The following GYPC variants were observed in gnomAD, a reference collection of about 807,000 sequenced individuals.
GYPC encodes glycophorin C (Gerbich blood group).
In GYPC, 14 loss-of-function variants were observed where a neutral mutation model predicts 12.6. That is an observed-to-expected ratio of 1.11 (90% CI 0.74 to 1.74). GYPC has a LOEUF of 1.74. Ranked by LOEUF, GYPC falls within the 40% of genes most tolerant of loss-of-function variation. The pLI, the probability that GYPC is intolerant of heterozygous loss-of-function variation, is 0.00. For synonymous variants in GYPC, 78 were observed against 62.1 expected, an observed-to-expected ratio of 1.26 and a Z score of -1.20; for missense variants, 225 against 172.1, an observed-to-expected ratio of 1.31 and a Z score of -1.72.
chr2:126,695,319 A>C (rs1219168497), intron 3 of GYPC, among the ~76,000 whole-genome samples: 2 of 152,140 alleles, frequency 1.3e-5, no homozygotes, highest in African/African-American at 4.8e-5. Context: ...CAGAGTGCTT[A>C]GAGTGGTTAG....
chr2:126,689,197 A>G (rs1330106658), intron 1 of GYPC, among the ~76,000 whole-genome samples: 2 of 152,002 alleles, frequency 1.3e-5, no homozygotes, highest in African/African-American at 4.8e-5. Context: ...GACTCCTCAG[A>G]CAGGAGCCCT....
In GYPC at chr2:126,690,325, A is replaced by G; in HGVS notation, c.106+14A>G. Reference sequence around the variant, plus strand: ...CCACCATTGCAGGTGAGTTCTCATCACAGAGCCTCACCATAATGGAAACTG... The same window carrying G: ...CCACCATTGCAGGTGAGTTCTCATCGCAGAGCCTCACCATAATGGAAACTG... On this transcript the variant is annotated intron_variant, in intron 2 of 3. Coordinates refer to ENST00000259254, the MANE Select transcript of GYPC (RefSeq NM_002101.5). 1.3e-6 allele frequency: 2 copies of G among 1,587,534 alleles called. No homozygotes were observed. The highest frequency in any genetic ancestry group is 1.7e-6 in the Non-Finnish European group (2 of 1,155,742).
chr2:126,662,002 C>T (rs1682547683), intron 1 of GYPC, among the ~76,000 whole-genome samples: 2 of 152,218 alleles, frequency 1.3e-5, no homozygotes, highest in Non-Finnish European at 2.9e-5. Flanking sequence ...GAGCCACTGC[C>T]AGGGCGCCTC....
At chr2:126,663,639 T>G (rs28387104) in intron 1 of GYPC, among the ~76,000 whole-genome samples, 49,892 of 152,078 alleles carry the variant, frequency 0.33, 8,911 homozygotes, top group East Asian at 0.55. Context: ...TGGAGGGATG[T>G]GAAGGTCCAT....
chr2:126,681,306 G>T (rs184722480), intron 1 of GYPC, among the ~76,000 whole-genome samples: 3 of 152,132 alleles, frequency 2.0e-5, no homozygotes, highest in Admixed American at 2.0e-4. Flanking sequence ...CTAAGTTCAC[G>T]TGCACCCCTT....
chr2:126,665,754 T>C (rs1486529011), intron 1 of GYPC, among the ~76,000 whole-genome samples: 1 of 152,232 alleles, frequency 6.6e-6, no homozygotes, highest in Non-Finnish European at 1.5e-5. Flanking sequence ...CCGCACCTAG[T>C]GAGGACGTGT....
intron 1 of GYPC, among the ~76,000 whole-genome samples, chr2:126,661,382 C>G (rs1331895522): frequency 6.6e-6 from 1 of 152,120 alleles, no homozygotes; most frequent in Non-Finnish European, 1.5e-5. Flanking sequence ...TCAGAACTCT[C>G]TATGGAATTG....
chr2:126,657,487 C>T (rs1210811528), intron 1 of GYPC: 2 of 152,238 alleles, frequency 1.3e-5, no homozygotes, highest in East Asian at 1.9e-4. Flanking sequence ...TGTCCCGGCA[C>T]GGAGTCTGAC....
At chr2:126,686,181 G>T in intron 1 of GYPC, 1 of 985,406 alleles carries the variant, frequency 1.0e-6, no homozygotes, top group Non-Finnish European at 1.2e-6. Flanking sequence ...GGCAACAGAG[G>T]AGTGTGACTT....
intron 1 of GYPC, among the ~76,000 whole-genome samples, chr2:126,667,280 T>C (rs1220364941): frequency 6.6e-6 from 1 of 152,198 alleles, no homozygotes; most frequent in African/African-American, 2.4e-5. Flanking sequence ...CTCTGGAGTG[T>C]ATCAGTAAAG....
chr2:126,679,015 C>T (rs1683088481), intron 1 of GYPC: 1 of 152,212 alleles, frequency 6.6e-6, no homozygotes, highest in Non-Finnish European at 1.5e-5. Flanking sequence ...ACTAAATCAT[C>T]ATTATTTACA....
chr2:126,670,803 G>A (rs7598211), intron 1 of GYPC, among the ~76,000 whole-genome samples: 26,037 of 152,112 alleles, frequency 0.17, 2,285 homozygotes, highest in Middle Eastern at 0.28. Flanking sequence ...GCCAAATCCA[G>A]CTGCCCCCTA....
chr2:126,681,040 A>AT (rs758818601), intron 1 of GYPC, among the ~76,000 whole-genome samples: 3 of 152,186 alleles, frequency 2.0e-5, no homozygotes, highest in Non-Finnish European at 4.4e-5. Flanking sequence ...AGTTCTGAAG[A>AT]TTCATCCCCG....
intron 1 of GYPC, among the ~76,000 whole-genome samples, chr2:126,659,523 G>A (rs1036862131): frequency 1.3e-5 from 2 of 152,154 alleles, no homozygotes; most frequent in South Asian, 2.1e-4. Context: ...AGAGTCACCC[G>A]AAGAGCAACA....
intron 1 of GYPC, chr2:126,678,902 T>C (rs1683085513): frequency 6.6e-6 from 1 of 152,266 alleles, no homozygotes; most frequent in African/African-American, 2.4e-5. Flanking sequence ...CGGGCTCTGC[T>C]GCTCCTGCCT....
intron 1 of GYPC, among the ~76,000 whole-genome samples, chr2:126,688,433 T>C (rs921411699): frequency 3.9e-5 from 6 of 152,226 alleles, no homozygotes; most frequent in South Asian, 2.1e-4. Context: ...TGAATATTTA[T>C]TGAGTACCTA....
At chr2:126,687,039 ACTG>A (rs1683311730) in intron 1 of GYPC, among the ~76,000 whole-genome samples, 1 of 152,104 alleles carries the variant, frequency 6.6e-6, no homozygotes, top group Non-Finnish European at 1.5e-5. Flanking sequence ...ACCTGATATC[ACTG>A]CTGCTAGCTG....
intron 3 of GYPC, 106 bp downstream of exon 3, chr2:126,694,053 ATTTTTTCTCTCCCTCAGAGGTGG>A (rs1452006892): frequency 1.3e-6 from 1 of 789,962 alleles, no homozygotes; most frequent in Non-Finnish European, 2.3e-6. Flanking sequence ...GGCTGTGGCC[ATTTTTTCTCTCCCTCAGAGGTGG>A]TTTTGAATGT....
At chr2:126,693,560 G>T (rs1683538320) in intron 2 of GYPC, among the ~76,000 whole-genome samples, 1 of 152,194 alleles carries the variant, frequency 6.6e-6, no homozygotes, top group Non-Finnish European at 1.5e-5. Context: ...ACAGATATCT[G>T]TTGAGCATCT....
Sources: allele counts gnomAD v4.1 joint callset (sites outside exome capture counted in the v4.1 genomes callset), GRCh38; gene constraint gnomAD v4.1.1; transcripts MANE v1.5; gene names NCBI Gene and HGNC (gene_info 2026-07-23, HGNC 2026-07-21).